Variants in LARGE1 observed in about 807,000 individuals in gnomAD.
The protein encoded by LARGE1 is xylosyl- and glucuronyltransferase LARGE1.
LARGE1 carries 43 observed loss-of-function variants against 87.6 expected under a neutral mutation model. The ratio of observed to expected loss-of-function variants is 0.49; its 90% CI spans 0.38 to 0.63. The LOEUF is 0.63. LARGE1 is among the 30% of genes least tolerant of loss of function. The pLI, the probability that LARGE1 is intolerant of heterozygous loss-of-function variation, is 0.00. For missense variants in LARGE1, 802 were observed against 1,000.2 expected (o/e 0.80, Z 2.67); for synonymous variants, 434 against 394.6 (o/e 1.10, Z -1.18).
At chr22:33,416,406 T>C in intron 7 of LARGE1, among the ~76,000 whole-genome samples, 1 of 152,092 alleles carries the variant, frequency 6.6e-6, no homozygotes, top group East Asian at 1.9e-4. Context: ...TTGAAGCTTT[T>C]CTCCACCCAC....
the LARGE1 span, among the ~76,000 whole-genome samples, chr22:33,084,495 GAA>G: frequency 7.4e-6 from 1 of 135,804 alleles, no homozygotes; most frequent in African/African-American, 2.7e-5. Context: ...CTTGTCTCTC[GAA>G]AAAAAAAAAA....
At chr22:33,907,782 A>T (rs952678308) in intron 1 of LARGE1, among the ~76,000 whole-genome samples, 1 of 152,034 alleles carries the variant, frequency 6.6e-6, no homozygotes. Context: ...TATTTTTAGT[A>T]GAGACCGGGT....
chr22:33,737,550 G>T (rs1393109914), intron 2 of LARGE1: 1 of 152,180 alleles, frequency 6.6e-6, no homozygotes, highest in Non-Finnish European at 1.5e-5. Flanking sequence ...TGATATCACT[G>T]TTCCATTTTC....
chr22:33,753,200 T>C (rs180799041), intron 2 of LARGE1, among the ~76,000 whole-genome samples: 12 of 151,918 alleles, frequency 7.9e-5, no homozygotes, highest in Admixed American at 4.6e-4. Flanking sequence ...AGCCTGGTGA[T>C]AGAGCAAGAC....
chr22:33,244,828 G>C (rs756375170), intron 11 of LARGE1, among the ~76,000 whole-genome samples: 3 of 152,136 alleles, frequency 2.0e-5, no homozygotes, highest in Non-Finnish European at 2.9e-5. Flanking sequence ...TGGAGTGTAC[G>C]TAAGGAGGGG....
chr22:33,387,443 A>AAAAG (rs1410170918), intron 7 of LARGE1, among the ~76,000 whole-genome samples: 11 of 150,034 alleles, frequency 7.3e-5, no homozygotes, highest in African/African-American at 2.2e-4. Flanking sequence ...AAAAAAAAAA[A>AAAAG]AAAGAAAGAA....
At chr22:33,542,476 A>G (rs1271370564) in intron 6 of LARGE1, among the ~76,000 whole-genome samples, 2 of 151,630 alleles carry the variant, frequency 1.3e-5, no homozygotes, top group Non-Finnish European at 2.9e-5. Context: ...TTGCTCCTTT[A>G]AAGGAACAGA....
chr22:33,279,468 G>C (rs1427579977), intron 13 of LARGE1, among the ~76,000 whole-genome samples: 2 of 152,160 alleles, frequency 1.3e-5, no homozygotes, highest in Admixed American at 1.3e-4. Context: ...TCCTTCTTTT[G>C]CTTTTCTACC....
chr22:33,866,429 G>A (rs923147266), intron 1 of LARGE1, among the ~76,000 whole-genome samples: 3 of 152,162 alleles, frequency 2.0e-5, no homozygotes, highest in South Asian at 2.1e-4. Context: ...CATGTCTAGC[G>A]GTGACAACAT....
At chr22:33,205,945 A>ATTATTTTT (rs1458454677) in intron 11 of LARGE1, among the ~76,000 whole-genome samples, 1 of 94,140 alleles carries the variant, frequency 1.1e-5, no homozygotes, top group African/African-American at 4.0e-5. Context: ...TGCCATGCTA[A>ATTATTTTT]TTCTTTTTTT....
At chr22:33,794,339 C>G (rs1168633089) in intron 1 of LARGE1, among the ~76,000 whole-genome samples, 2 of 152,156 alleles carry the variant, frequency 1.3e-5, no homozygotes, top group Admixed American at 1.3e-4. Context: ...ACCACCAATC[C>G]CAGGTGGGCC....
In LARGE1 at chr22:33,316,212, G is replaced by C. The variant is rs1211911198; in HGVS notation, c.1324C>G (p.Leu442Val). ...KQLSELDEDD[L>V]CYEFRRERFT... Reference sequence around the variant, plus strand: ...CGCTCTCGCCGGAACTCATAGCACAGGTCGTCCTCGTCCAGCTCAGACAGC... The same window carrying C: ...CGCTCTCGCCGGAACTCATAGCACACGTCGTCCTCGTCCAGCTCAGACAGC... The change falls in exon 11 of 15, where the codon CTG becomes GTG. Residue 442 changes from leucine (L) to valine (V), a missense_variant. Physicochemically the swap from Leu to Val is conservative, Grantham distance 32. Transcript: ENST00000397394. 6.2e-7 allele frequency: 1 copy of C among 1,614,036 alleles called. No individual in the cohort carries two copies. The highest frequency in any genetic ancestry group is 1.3e-5 in the African/African-American group (1 of 75,050).
chr22:33,468,392 A>G (rs1176132541), intron 6 of LARGE1, among the ~76,000 whole-genome samples: 1 of 152,172 alleles, frequency 6.6e-6, no homozygotes, highest in Non-Finnish European at 1.5e-5. Flanking sequence ...ACTTGAGTTC[A>G]GGAATTCAAG....
At chr22:33,579,313 G>A (rs1179408065) in intron 5 of LARGE1, among the ~76,000 whole-genome samples, 2 of 152,210 alleles carry the variant, frequency 1.3e-5, no homozygotes, top group East Asian at 3.9e-4. Context: ...GATGGGACTT[G>A]CTCCTCCTTG....
chr22:33,121,936 A>G, the LARGE1 span, among the ~76,000 whole-genome samples: 1 of 152,126 alleles, frequency 6.6e-6, no homozygotes, highest in South Asian at 2.1e-4. Context: ...TATCATGAAA[A>G]CAGCATGGGA....
Position 33,337,646 on chromosome 22 carries a change from G to A in LARGE1, c.1287C>T (p.Asn429=), listed in dbSNP as rs561439887. 62 of 1,614,024 alleles carry A rather than the reference G, an allele frequency of 3.8e-5. No homozygotes were observed. The highest frequency in any genetic ancestry group is 3.3e-4 in the Middle Eastern group (2 of 6,062). ...CPSEADVNSE[N]LQKQLSELDE... ...CTGCCCAGCCTTGCGAGCCACTTAC[G>A]TTTTCACTGTTGACATCAGCCTCAC... The change falls in exon 10 of 15, where the codon AAC becomes AAT. Residue 429 remains asparagine (N), a splice_region_variant and synonymous_variant. Transcript: ENST00000397394.
chr22:33,646,976 G>A lies in LARGE1; in HGVS notation c.408+3391C>T, dbSNP rs143586978. On this transcript the variant is annotated intron_variant, in intron 3 of 14. Coordinates refer to ENST00000397394, the MANE Select transcript of LARGE1 (RefSeq NM_133642.5). ...ACTCCTGAACTCAGGTGATCCACCCGCCTTGGCCTGCCAAAGTGCTGGGAT... is the reference window on the plus strand; with the variant it reads ...ACTCCTGAACTCAGGTGATCCACCCACCTTGGCCTGCCAAAGTGCTGGGAT... Among the ~76,000 whole-genome samples, 110 of 152,330 alleles carry A rather than the reference G, an allele frequency of 7.2e-4. 2 individuals are homozygous for A. In the East Asian group the frequency reaches 0.019, roughly 26 times the overall value.
At chr22:33,158,107 CA>C (rs1196871790), downstream of LARGE1, among the ~76,000 whole-genome samples, 2 of 151,794 alleles carry the variant, frequency 1.3e-5, no homozygotes, top group African/African-American at 4.8e-5. Flanking sequence ...TAAAACATGT[CA>C]AAAATATTAC....
chr22:33,089,488 CTCT>C, the LARGE1 span, among the ~76,000 whole-genome samples: 2 of 142,928 alleles, frequency 1.4e-5, no homozygotes, highest in African/African-American at 2.6e-5. Context: ...CTTCCTCTTC[CTCT>C]TCTTCTCCTC....
Sources: gnomAD v4.1 joint callset for allele counts (sites outside exome capture counted in the v4.1 genomes callset) on GRCh38, gnomAD v4.1.1 for gene constraint, MANE v1.5 for transcripts, NCBI Gene and HGNC (gene_info 2026-07-23, HGNC 2026-07-21) for gene names.